VPS4B: variants seen among roughly 807,000 people sequenced by gnomAD.
VPS4B encodes vacuolar protein sorting 4 homolog B.
In VPS4B, 23 loss-of-function variants were observed where a neutral mutation model predicts 56.1. The observed-to-expected ratio is 0.41, with a 90% CI of 0.30 to 0.58. The LOEUF is 0.58. VPS4B is among the 20% of genes least tolerant of loss of function. The probability of loss-of-function intolerance (pLI) is 0.29; values close to 1 mark genes in which losing one functional copy is unlikely to be tolerated. For synonymous variants in VPS4B, 177 were observed against 186.0 expected (o/e 0.95, Z 0.39); for missense variants, 372 against 531.9 (o/e 0.70, Z 2.96).
intron 1 of VPS4B, among the ~76,000 whole-genome samples, chr18:63,412,047 T>C (rs1004605769): frequency 2.0e-5 from 3 of 152,134 alleles, no homozygotes; most frequent in African/African-American, 7.2e-5. Flanking sequence ...CAATGAAATA[T>C]CAAGAATCTG....
intron 1 of VPS4B, among the ~76,000 whole-genome samples, chr18:63,413,375 C>T (rs1355876492): frequency 6.6e-6 from 1 of 151,938 alleles, no homozygotes. Flanking sequence ...CCCGTCTCTA[C>T]TAAAACACAA....
intron 1 of VPS4B, chr18:63,416,582 C>T (rs189183182): frequency 1.3e-5 from 2 of 152,390 alleles, no homozygotes; most frequent in East Asian, 1.9e-4. Flanking sequence ...TACCCAGCCT[C>T]GTGAGTGGTC....
intron 3 of VPS4B, among the ~76,000 whole-genome samples, chr18:63,409,427 T>C (rs905824186): frequency 1.3e-5 from 2 of 152,088 alleles, no homozygotes; most frequent in African/African-American, 2.4e-5. Context: ...GAGAACCACA[T>C]CCTCTAAAGC....
intron 4 of VPS4B, among the ~76,000 whole-genome samples, chr18:63,405,626 TGTAA>T (rs1187667294): frequency 6.6e-6 from 1 of 152,236 alleles, no homozygotes; most frequent in East Asian, 1.9e-4. Context: ...TGGCCTTTAT[TGTAA>T]GTGATAGGGA....
rs903178294 is a variant in VPS4B, at chr18:63,422,469, G to T, written c.-210C>A. 2.5e-6 allele frequency: 1 copy of T among 401,402 alleles called. No individual in the cohort carries two copies. Among genetic ancestry groups the T allele is most frequent in the Admixed American group, 4.6e-5 (1 of 21,888 alleles). 24.9% of individuals were successfully genotyped at this position (401,402 alleles called of 1,614,324 possible). On this transcript the variant is annotated 5_prime_UTR_variant, in exon 1 of 11. Transcript: ENST00000238497. The stretch of plus-strand genomic sequence containing the variant: ...CCCCACCAAACTTCCGCAATCCCGA[G>T]GCCCTCTAGGTTCTGGTCCCGCCTC...
Position 63,390,699 on chromosome 18 carries a change from A to G in VPS4B, c.*276T>C. On this transcript the variant is annotated 3_prime_UTR_variant, in exon 11 of 11. Coordinates refer to ENST00000238497, the MANE Select transcript of VPS4B (RefSeq NM_004869.4). ...AAAAATTGTAAATATTTGTATGTCA[A>G]TTTCTGACATCCTTTTTACTGGGTA... The G allele has an allele frequency of 5.2e-6, 1 of 192,224 alleles. No individual in the cohort carries two copies. Among genetic ancestry groups the G allele is most frequent in the Non-Finnish European group, 1.1e-5 (1 of 94,972 alleles). 11.9% of individuals were successfully genotyped at this position (192,224 alleles called of 1,614,324 possible).
intron 1 of VPS4B, 72 bp from the exon 2 acceptor site, chr18:63,411,650 T>A (rs891477520): frequency 3.7e-6 from 4 of 1,068,518 alleles, no homozygotes; most frequent in Non-Finnish European, 4.9e-6. Flanking sequence ...ATAATCATAC[T>A]GAAAGTTTTT....
chr18:63,394,318 T>C (rs534859160), intron 9 of VPS4B, among the ~76,000 whole-genome samples: 1 of 152,354 alleles, frequency 6.6e-6, no homozygotes, highest in South Asian at 2.1e-4. Flanking sequence ...CAAATCTAAG[T>C]GCAAAATTGT....
chr18:63,397,297 A>T (rs1483679420), intron 8 of VPS4B, 44 bp from the exon 9 acceptor site: 2 of 1,526,304 alleles, frequency 1.3e-6, no homozygotes, highest in South Asian at 1.2e-5. Flanking sequence ...ATTGAAAATT[A>T]GGATATTTCC....
intron 8 of VPS4B, among the ~76,000 whole-genome samples, chr18:63,398,221 ATATT>A (rs142557777): frequency 0.44 from 64,400 of 145,282 alleles, 14,712 homozygotes; most frequent in East Asian, 0.73. Flanking sequence ...ATATATATAT[ATATT>A]TTTTTTTGAG....
chr18:63,422,243 G>C lies in VPS4B; in HGVS notation c.17C>G (p.Pro6Arg). MSSTS[P>R]NLQKAIDLAS... The stretch of plus-strand genomic sequence containing the variant: ...GATGAGCAATGATACCTGGAGGTTG[G>C]GCGAAGTGGATGACATGGCGGAGTT... The change falls in exon 1 of 11, where the codon CCC becomes CGC. Residue 6 changes from proline (P) to arginine (R), a missense_variant. This residue lies in a region of VPS4B where 153 missense variants were observed against 190.3 expected (regional missense o/e 0.80). Transcript: ENST00000238497. The C allele has an allele frequency of 6.6e-7, 1 of 1,514,756 alleles. No individual in the cohort carries two copies. The highest frequency in any genetic ancestry group is 8.8e-7 in the Non-Finnish European group (1 of 1,130,162). The allele number at this position is 1,514,756 out of a possible 1,614,324, so 93.8% of individuals were successfully genotyped here.
At chr18:63,400,355 C>T (rs11152381) in intron 6 of VPS4B, among the ~76,000 whole-genome samples, 159 bp from the exon 7 acceptor site, 90,185 of 152,022 alleles carry the variant, frequency 0.59, 27,955 homozygotes, top group East Asian at 0.88. Flanking sequence ...CTTTATGATT[C>T]ACTAGGTTGT....
chr18:63,407,484 C>A lies in VPS4B; in HGVS notation c.312G>T (p.Gly104=). The change falls in exon 4 of 11, where the codon GGG becomes GGT. Residue 104 remains glycine (G), a synonymous_variant. Transcript: ENST00000238497. Reference sequence around the variant, plus strand: ...TTTCAGGATCATCAGATTCTCCTTCCCCATCACTGTCATTCCTAATAAAAA... The same window carrying A: ...TTTCAGGATCATCAGATTCTCCTTCACCATCACTGTCATTCCTAATAAAAA... ...PADEKGNDSD[G]EGESDDPEKK... is the part of the protein sequence containing the mutation. 2.5e-6 allele frequency: 4 copies of A among 1,609,058 alleles called. No individual in the cohort carries two copies. Among genetic ancestry groups the A allele is most frequent in the Non-Finnish European group, 3.4e-6 (4 of 1,178,282 alleles).
intron 7 of VPS4B, 86 bp from the exon 8 acceptor site, chr18:63,399,409 T>C (rs953113823): frequency 1.7e-6 from 2 of 1,186,786 alleles, no homozygotes; most frequent in Non-Finnish European, 2.5e-6. Flanking sequence ...AGAAATGTGG[T>C]GCTTTACCAT....
intron 3 of VPS4B, among the ~76,000 whole-genome samples, chr18:63,408,228 A>G (rs780251089): frequency 1.3e-5 from 2 of 152,238 alleles, no homozygotes; most frequent in Non-Finnish European, 2.9e-5. Flanking sequence ...TCCTGATACA[A>G]TGTTAAGTAT....
rs1242536405 is a variant in VPS4B, at chr18:63,422,356, G to A, written c.-97C>T. 2.4e-6 allele frequency: 3 copies of A among 1,225,454 alleles called. No individual in the cohort carries two copies. Among genetic ancestry groups the A allele is most frequent in the South Asian group, 2.0e-5 (1 of 48,894 alleles). 75.9% of individuals were successfully genotyped at this position (1,225,454 alleles called of 1,614,324 possible). Reference sequence around the variant, plus strand: ...CACGGGGTAACAGCCCTCAAACTGGGGAGGCCGGTGGTTCTCGGACCGCGA... The same window carrying A: ...CACGGGGTAACAGCCCTCAAACTGGAGAGGCCGGTGGTTCTCGGACCGCGA... On this transcript the variant is annotated 5_prime_UTR_variant, in exon 1 of 11. Coordinates refer to ENST00000238497, the MANE Select transcript of VPS4B (RefSeq NM_004869.4).
At chr18:63,393,661 T>A in intron 9 of VPS4B, 112 bp from the exon 10 acceptor site, 1 of 1,105,278 alleles carries the variant, frequency 9.0e-7, no homozygotes, top group Non-Finnish European at 1.2e-6. Context: ...TTTATTAGAA[T>A]GTTTACTTTT....
At position 63,393,542 on chromosome 18, in the gene VPS4B, C is replaced by T; in HGVS notation, c.1100G>A (p.Gly367Glu). 6 of 1,579,110 alleles carry T rather than the reference C, an allele frequency of 3.8e-6. No homozygotes were observed. Among genetic ancestry groups the T allele is most frequent in the Non-Finnish European group, 5.1e-6 (6 of 1,165,474 alleles). The stretch of plus-strand genomic sequence containing the variant: ...ATGGTTAGGATCAGCTCGGGAAGGT[C>T]CGCGAACCTGAAATAAACAGTAATC... ...QSATHFKKVR[G>E]PSRADPNHLV... The change falls in exon 10 of 11, where the codon GGA becomes GAA. Residue 367 changes from glycine to glutamate, a missense_variant. Gly to Glu is a moderately conservative substitution (Grantham distance 98). Transcript: ENST00000238497.
At chr18:63,401,610 C>T (rs1031078578) in intron 5 of VPS4B, among the ~76,000 whole-genome samples, 14 of 152,174 alleles carry the variant, frequency 9.2e-5, no homozygotes, top group African/African-American at 2.7e-4. Context: ...ATCAACTCTT[C>T]GAGCCTCAAT....
Sources: allele counts gnomAD v4.1 joint callset (sites outside exome capture counted in the v4.1 genomes callset), GRCh38; gene constraint gnomAD v4.1.1; regional missense constraint gnomAD v4.1.1; transcripts MANE v1.5; gene names NCBI Gene and HGNC (gene_info 2026-07-23, HGNC 2026-07-21).